The following EPHB2 variants were observed in gnomAD, a reference collection of about 807,000 sequenced individuals.
EPHB2 encodes EPH receptor B2.
Under a neutral mutation model 96.4 loss-of-function variants are expected in EPHB2, and 18 were observed. The ratio of observed to expected loss-of-function variants is 0.19; its 90% CI spans 0.13 to 0.28. EPHB2 has a LOEUF of 0.28. Among genes scored for constraint, EPHB2 ranks in the 10% least tolerant of loss-of-function variants. The pLI, the probability that EPHB2 is intolerant of heterozygous loss-of-function variation, is 1.00. For synonymous variants in EPHB2, 506 were observed against 534.1 expected, an observed-to-expected ratio of 0.95 and a Z score of 0.72; for missense variants, 989 against 1,355.4, an observed-to-expected ratio of 0.73 and a Z score of 4.25.
chr1:22,762,800 G>A (rs1463846492), intron 1 of EPHB2, among the ~76,000 whole-genome samples: 1 of 152,194 alleles, frequency 6.6e-6, no homozygotes, highest in African/African-American at 2.4e-5. Context: ...TGAAATGGGA[G>A]TGTGATGGCC....
chr1:22,854,217 A>G (rs1215036090), intron 3 of EPHB2, among the ~76,000 whole-genome samples: 1 of 152,140 alleles, frequency 6.6e-6, no homozygotes. Context: ...TTTTAGAAAG[A>G]ACATGGACTA....
chr1:22,740,476 G>A lies in EPHB2; in HGVS notation c.61+29433G>A, dbSNP rs775458710. Among the ~76,000 whole-genome samples the A allele has an allele frequency of 5.7e-4, 87 of 152,120 alleles. 1 individual carries two copies. Among genetic ancestry groups the A allele is most frequent in the Admixed American group, 4.3e-3 (65 of 15,270 alleles). ...GAGACCCGTGGCCCTGGGGTCCTGC[G>A]GTCTGGCGGGCTTGGGATGGTACCT... On this transcript the variant is annotated intron_variant, in intron 1 of 15. Transcript: ENST00000374630.
chr1:22,807,855 C>G (rs1195276370), intron 3 of EPHB2, among the ~76,000 whole-genome samples: 1 of 152,184 alleles, frequency 6.6e-6, no homozygotes, highest in Non-Finnish European at 1.5e-5. Flanking sequence ...AAATTCTGGC[C>G]AGGCACAGTG....
rs188748333 is a variant in EPHB2, at chr1:22,874,668, C to T, written c.1304-7691C>T. Among the ~76,000 whole-genome samples the T allele has an allele frequency of 1.3e-3, 193 of 152,222 alleles. 2 individuals carry two copies. Among genetic ancestry groups the T allele is most frequent in the African/African-American group, 4.5e-3 (186 of 41,520 alleles). On this transcript the variant is annotated intron_variant, in intron 5 of 15. Coordinates refer to ENST00000374630, the MANE Select transcript of EPHB2 (RefSeq NM_017449.5). Reference sequence around the variant, plus strand: ...TAACCCCTACTCCATCTGATTGTGACGAAGGGGCCTGGCACTGGGCAGGCT... The same window carrying T: ...TAACCCCTACTCCATCTGATTGTGATGAAGGGGCCTGGCACTGGGCAGGCT...
In EPHB2 at chr1:22,913,585, G is replaced by A. The variant is rs202088860; in HGVS notation, c.*15G>A. 433 of 1,613,820 alleles carry A rather than the reference G, an allele frequency of 2.7e-4. 1 individual carries two copies. The African/African-American group carries it at 4.8e-3, about 18-fold the overall frequency. On this transcript the variant is annotated 3_prime_UTR_variant, in exon 16 of 16. Transcript: ENST00000374630. This position sits in a 1 kb window ranked among gnomAD's most constrained non-coding sequence, Gnocchi z 4.1. ...TGGAGGTTTGACATTCACCTGCCTCGGCTCACCTCTTCCTCCAAGCCCCGC... is the reference window on the plus strand; with the variant it reads ...TGGAGGTTTGACATTCACCTGCCTCAGCTCACCTCTTCCTCCAAGCCCCGC...
chr1:22,710,897 T>TG lies in EPHB2; in HGVS notation c.-84dup, dbSNP rs1360140969. The TG allele has an allele frequency of 6.9e-6, 1 of 145,312 alleles. No homozygotes were observed. Among genetic ancestry groups the TG allele is most frequent in the African/African-American group, 2.5e-5 (1 of 40,384 alleles). The allele number at this position is 145,312 out of a possible 1,614,324, so 9.0% of individuals were successfully genotyped here. A position where few individuals can be genotyped will look rare whatever the true frequency, so the allele number is the denominator to read the frequency against. On this transcript the variant is annotated 5_prime_UTR_variant, in exon 1 of 16. Coordinates refer to ENST00000374630, the MANE Select transcript of EPHB2 (RefSeq NM_017449.5). The stretch of plus-strand genomic sequence containing the variant: ...GTGCGCCGCGCCTTGCCGCCCCCCC[T>TG]GGCCCCCCGAGCCCGGGGCGCGCGC...
At chr1:22,722,893 TGAA>T (rs1643497810) in intron 1 of EPHB2, among the ~76,000 whole-genome samples, 2 of 152,000 alleles carry the variant, frequency 1.3e-5, no homozygotes, top group Admixed American at 1.3e-4. Context: ...AAGAGCCAGG[TGAA>T]GAAGCAGCAA....
At chr1:22,879,088 C>T (rs1282080554) in intron 5 of EPHB2, among the ~76,000 whole-genome samples, 1 of 152,208 alleles carries the variant, frequency 6.6e-6, no homozygotes, top group Non-Finnish European at 1.5e-5. Context: ...CCTCTCACCC[C>T]AGAACTGTCC....
At chr1:22,811,657 C>T (rs1645003414) in intron 3 of EPHB2, among the ~76,000 whole-genome samples, 1 of 152,222 alleles carries the variant, frequency 6.6e-6, no homozygotes, top group South Asian at 2.1e-4. Flanking sequence ...TCATCCCACC[C>T]CAAGACCGGG....
intron 3 of EPHB2, among the ~76,000 whole-genome samples, chr1:22,856,513 C>T (rs114809809): frequency 0.012 from 1,842 of 152,290 alleles, 25 homozygotes; most frequent in Middle Eastern, 0.017. Context: ...CCCGTCCCCT[C>T]GGCAGGCCTG....
At chr1:22,753,999 C>A (rs1435979760) in intron 1 of EPHB2, among the ~76,000 whole-genome samples, 1 of 152,114 alleles carries the variant, frequency 6.6e-6, no homozygotes, top group Non-Finnish European at 1.5e-5. Context: ...TAGCTTCACC[C>A]TTACACAGGC....
At chr1:22,723,027 G>T (rs1231141577) in intron 1 of EPHB2, among the ~76,000 whole-genome samples, 1 of 152,250 alleles carries the variant, frequency 6.6e-6, no homozygotes, top group Non-Finnish European at 1.5e-5. Context: ...GGCATGCCAA[G>T]CACTGGGGCG....
intron 1 of EPHB2, among the ~76,000 whole-genome samples, chr1:22,776,308 C>T (rs919244690): frequency 2.0e-5 from 3 of 152,230 alleles, no homozygotes; most frequent in African/African-American, 7.2e-5. Flanking sequence ...TCCATGCAGG[C>T]GTCACGTTCT....
At chr1:22,738,495 A>T (rs1643868843) in intron 1 of EPHB2, among the ~76,000 whole-genome samples, 1 of 152,202 alleles carries the variant, frequency 6.6e-6, no homozygotes, top group Admixed American at 6.5e-5. Context: ...CACATTGCAG[A>T]TGAGAAAACC....
chr1:22,723,422 C>G (rs1643514238), intron 1 of EPHB2, among the ~76,000 whole-genome samples: 2 of 152,234 alleles, frequency 1.3e-5, no homozygotes, highest in Admixed American at 1.3e-4. Context: ...ATGGCAGCTC[C>G]CGCAGCTCTC....
intron 6 of EPHB2, among the ~76,000 whole-genome samples, chr1:22,892,120 C>G (rs907659944): frequency 6.6e-6 from 1 of 152,070 alleles, no homozygotes; most frequent in African/African-American, 2.4e-5. Flanking sequence ...CAAAGCAACC[C>G]TGAACTGATA....
At chr1:22,865,266 G>A (rs1306262902) in intron 5 of EPHB2, 54 bp downstream of exon 5, 1 of 1,597,050 alleles carries the variant, frequency 6.3e-7, no homozygotes, top group Middle Eastern at 1.7e-4. Flanking sequence ...GTGCCAGGGA[G>A]GGTCCTGCAG....
intron 1 of EPHB2, among the ~76,000 whole-genome samples, chr1:22,744,435 ATATATATGT>A (rs1280794044): frequency 1.3e-5 from 2 of 149,570 alleles, no homozygotes; most frequent in Admixed American, 6.7e-5. Flanking sequence ...TGTTGTATAT[ATATATATGT>A]TATATATTTT....
chr1:22,715,284 A>G (rs1643263634), intron 1 of EPHB2, among the ~76,000 whole-genome samples: 1 of 152,182 alleles, frequency 6.6e-6, no homozygotes, highest in Non-Finnish European at 1.5e-5. Context: ...TAGAGATGCA[A>G]GAAAGTGCTG....
Sources: gnomAD v4.1 joint callset for allele counts (sites outside exome capture counted in the v4.1 genomes callset) on GRCh38, gnomAD v4.1.1 for gene constraint, Gnocchi (gnomAD v3.1) non-coding constraint, MANE v1.5 for transcripts, NCBI Gene and HGNC (gene_info 2026-07-23, HGNC 2026-07-21) for gene names.